Variants in CAPZA2 observed in about 807,000 individuals in gnomAD.
CAPZA2 encodes the protein capping actin protein of muscle Z-line subunit alpha 2.
CAPZA2 carries 13 observed loss-of-function variants against 44.0 expected under a neutral mutation model. The observed-to-expected ratio is 0.30, with a 90% confidence interval of 0.19 to 0.47. The LOEUF (loss-of-function observed/expected upper bound fraction) is 0.47. Ranked by LOEUF, CAPZA2 falls within the 20% of genes least tolerant of loss-of-function variation. The pLI is 1.00. For synonymous variants in CAPZA2, 94 were observed against 108.2 expected (o/e 0.87, Z 0.81); for missense variants, 244 against 338.6 (o/e 0.72, Z 2.19).
At chr7:116,914,909 G>A (rs1217035495) in intron 8 of CAPZA2, among the ~76,000 whole-genome samples, 1 of 152,206 alleles carries the variant, frequency 6.6e-6, no homozygotes, top group Non-Finnish European at 1.5e-5. Flanking sequence ...CATATCATAT[G>A]TAATTACTAC....
In CAPZA2 at chr7:116,904,317, G is replaced by C. The variant is rs1562962537; in HGVS notation, c.360G>C (p.Trp120Cys). The change falls in exon 5 of 10, where the codon TGG (tryptophan) becomes TGC (cysteine). Residue 120 changes from tryptophan to cysteine, a missense_variant. Coordinates refer to ENST00000361183, the MANE Select transcript of CAPZA2 (RefSeq NM_006136.3). ...AAGTAGAAAATGCAGTTGAATCATG[G>C]AGAACTTCAGTAGAAACTGCTCTGA... ...PCEVENAVES[W>C]RTSVETALRA... 6.2e-7 allele frequency: 1 copy of C among 1,613,758 alleles called. No individual in the cohort carries two copies. Among genetic ancestry groups the C allele is most frequent in the Non-Finnish European group, 8.5e-7 (1 of 1,179,700 alleles).
intron 1 of CAPZA2, among the ~76,000 whole-genome samples, chr7:116,882,130 C>T (rs1436762031): frequency 6.6e-6 from 1 of 152,126 alleles, no homozygotes; most frequent in Non-Finnish European, 1.5e-5. Context: ...TGGCGAGTTT[C>T]CTCAATGTAA....
rs1797030579 is a variant in CAPZA2 at position 116,904,203 on chromosome 7, G to A, written c.246G>A (p.Leu82=). 6.2e-7 allele frequency: 1 copy of A among 1,613,170 alleles called. No homozygotes were observed. Among genetic ancestry groups the A allele is most frequent in the East Asian group, 2.2e-5 (1 of 44,860 alleles). The change falls in exon 5 of 10, where the codon TTG becomes TTA. Residue 82 remains leucine, a synonymous_variant. Transcript: ENST00000361183. ...TATTGATAACAGAACATGGCGACTT[G>A]GGAAATGGAAAGTTTTTGGATCCAA... is the stretch of plus-strand genomic sequence containing the variant. ...DQVLITEHGD[L]GNGKFLDPKN... is the part of the protein sequence containing the mutation.
chr7:116,879,778 T>G lies in CAPZA2; in HGVS notation c.40-8349T>G, dbSNP rs562127672. ...GGACCCCTGATCTACAGAATTGCAT[T>G]AGTGATAACTCTCAAAATGTTCATT... is the stretch of plus-strand genomic sequence containing the variant. On this transcript the variant is annotated intron_variant, in intron 1 of 9. Transcript: ENST00000361183. Among the ~76,000 whole-genome samples, 12 of 152,240 alleles carry G rather than the reference T, an allele frequency of 7.9e-5. No individual in the cohort carries two copies. The East Asian group carries it at 2.3e-3, about 29-fold the overall frequency.
intron 1 of CAPZA2, among the ~76,000 whole-genome samples, chr7:116,882,966 C>G (rs541564999): frequency 6.6e-6 from 1 of 152,044 alleles, no homozygotes; most frequent in Non-Finnish European, 1.5e-5. Flanking sequence ...AACCATGCCC[C>G]GAAAATCCAG....
intron 2 of CAPZA2, among the ~76,000 whole-genome samples, chr7:116,888,882 T>C (rs1796797839): frequency 6.6e-6 from 1 of 152,070 alleles, no homozygotes; most frequent in Non-Finnish European, 1.5e-5. Flanking sequence ...CCATATATTT[T>C]TTGGAATTGT....
intron 2 of CAPZA2, 82 bp downstream of exon 2, chr7:116,888,272 A>G: frequency 2.2e-6 from 2 of 917,950 alleles, no homozygotes. Context: ...AAATAAGCTA[A>G]GGACAGTATG....
chr7:116,903,275 TACAC>T (rs1250611707), intron 4 of CAPZA2, among the ~76,000 whole-genome samples: 2 of 148,282 alleles, frequency 1.3e-5, no homozygotes, highest in South Asian at 4.5e-4. Flanking sequence ...TGTGTGTACG[TACAC>T]ACACACATTT....
intron 8 of CAPZA2, among the ~76,000 whole-genome samples, chr7:116,913,608 G>A (rs185041183): frequency 1.2e-3 from 189 of 151,554 alleles, no homozygotes; most frequent in Middle Eastern, 3.4e-3. Context: ...GATTTTTGTT[G>A]GTTTGGTTGG....
At chr7:116,904,981 A>C (rs188838198) in intron 5 of CAPZA2, among the ~76,000 whole-genome samples, 2,054 of 149,560 alleles carry the variant, frequency 0.014, 42 homozygotes, top group Middle Eastern at 0.017. Flanking sequence ...AAAAAAAAAA[A>C]AAAAAAAACA....
chr7:116,887,523 C>T (rs1796778052), intron 1 of CAPZA2, among the ~76,000 whole-genome samples: 1 of 147,786 alleles, frequency 6.8e-6, no homozygotes. Flanking sequence ...CAAGACCCTG[C>T]CTCCAAAAAA....
chr7:116,872,215 T>C (rs12706108), intron 1 of CAPZA2, among the ~76,000 whole-genome samples: 33,997 of 151,604 alleles, frequency 0.22, 3,925 homozygotes, highest in East Asian at 0.4. Flanking sequence ...TTAAGAATAC[T>C]TTTTTTTTGT....
chr7:116,902,244 C>T (rs1797004884), intron 4 of CAPZA2, among the ~76,000 whole-genome samples: 2 of 152,106 alleles, frequency 1.3e-5, no homozygotes, highest in Non-Finnish European at 2.9e-5. Context: ...TCTGAGTCTA[C>T]ATGTGCAATA....
At chr7:116,892,238 C>A (rs908320832) in intron 2 of CAPZA2, among the ~76,000 whole-genome samples, 13 of 152,162 alleles carry the variant, frequency 8.5e-5, no homozygotes, top group African/African-American at 3.1e-4. Context: ...GTGTTATTTT[C>A]ATCTAATGAA....
intron 1 of CAPZA2, among the ~76,000 whole-genome samples, chr7:116,864,994 C>T (rs1796464575): frequency 6.6e-6 from 1 of 151,988 alleles, no homozygotes; most frequent in Admixed American, 6.6e-5. Flanking sequence ...ATGCTTGGCT[C>T]AGTTAGATAC....
chr7:116,883,042 T>C (rs1306792222), intron 1 of CAPZA2, among the ~76,000 whole-genome samples: 2 of 152,158 alleles, frequency 1.3e-5, no homozygotes, highest in African/African-American at 2.4e-5. Flanking sequence ...TTGTCCAGAA[T>C]TGACTTTGAA....
chr7:116,868,855 G>A (rs1796514636), intron 1 of CAPZA2, among the ~76,000 whole-genome samples: 1 of 152,172 alleles, frequency 6.6e-6, no homozygotes, highest in South Asian at 2.1e-4. Flanking sequence ...CACCAATAAA[G>A]TGTAAAAACT....
At position 116,908,706 on chromosome 7, in the gene CAPZA2, A is replaced by G. The variant is rs115371511; in HGVS notation, c.507-1527A>G. ...TCCTAGTCAGTATTTTATATATGCT[A>G]AGGACTCACTAGCTGGCTTGGCACT... is the stretch of plus-strand genomic sequence containing the variant. On this transcript the variant is annotated intron_variant, in intron 6 of 9. Transcript: ENST00000361183. 5.2e-3 allele frequency among the ~76,000 whole-genome samples: 785 copies of G among 152,212 alleles called. 6 individuals carry two copies. The highest frequency in any genetic ancestry group is 0.018 in the African/African-American group (757 of 41,528).
At chr7:116,915,561 C>T (rs780123261) in intron 8 of CAPZA2, 2 of 150,712 alleles carry the variant, frequency 1.3e-5, no homozygotes, top group Non-Finnish European at 2.9e-5. Flanking sequence ...GTTAACTTTA[C>T]TGTTAGGAAA....
Sources: allele counts gnomAD v4.1 joint callset (sites outside exome capture counted in the v4.1 genomes callset), GRCh38; gene constraint gnomAD v4.1.1; transcripts MANE v1.5; gene names NCBI Gene and HGNC (gene_info 2026-07-23, HGNC 2026-07-21).